The following DCAF4 variants were observed in gnomAD, a reference collection of about 807,000 sequenced individuals.
DCAF4 encodes the protein DDB1- and CUL4-associated factor 4.
DCAF4 carries 37 observed loss-of-function variants against 60.9 expected under a neutral mutation model. The ratio of observed to expected loss-of-function variants is 0.61; its 90% CI spans 0.47 to 0.80. The LOEUF (loss-of-function observed/expected upper bound fraction) is 0.80. Ranked by LOEUF, DCAF4 falls within the 30% of genes least tolerant of loss-of-function variation. The pLI, the probability that DCAF4 is intolerant of heterozygous loss-of-function variation, is 0.00. For missense variants in DCAF4, 577 were observed against 650.0 expected, an observed-to-expected ratio of 0.89 and a Z score of 1.22; for synonymous variants, 243 against 254.8, an observed-to-expected ratio of 0.95 and a Z score of 0.44.
intron 8 of DCAF4, among the ~76,000 whole-genome samples, chr14:72,948,414 G>A (rs909660236): frequency 6.6e-6 from 1 of 152,160 alleles, no homozygotes; most frequent in Non-Finnish European, 1.5e-5. Context: ...TTTATATAAG[G>A]CATCAAACTA....
chr14:72,945,202 G>A (rs1890569378), intron 6 of DCAF4, among the ~76,000 whole-genome samples: 1 of 152,026 alleles, frequency 6.6e-6, no homozygotes, highest in African/African-American at 2.4e-5. Flanking sequence ...AGACCAGCCT[G>A]GACAACATAG....
At chr14:72,934,938 A>C (rs1032383705) in intron 1 of DCAF4, 15 of 152,228 alleles carry the variant, frequency 9.9e-5, no homozygotes, top group Non-Finnish European at 1.5e-5. Flanking sequence ...GCTTTGCTTC[A>C]GTTCAGCAAA....
In DCAF4 at chr14:72,959,658, C is replaced by T. The variant is rs1357705789; in HGVS notation, c.*853C>T. 2 of 985,380 alleles carry T rather than the reference C, an allele frequency of 2.0e-6. No individual in the cohort carries two copies. Among genetic ancestry groups the T allele is most frequent in the Non-Finnish European group, 2.4e-6 (2 of 829,888 alleles). 61.0% of individuals were successfully genotyped at this position (985,380 alleles called of 1,614,324 possible). A position where few individuals can be genotyped will look rare whatever the true frequency, so the allele number is the denominator to read the frequency against. On this transcript the variant is annotated 3_prime_UTR_variant, in exon 14 of 14. Coordinates refer to ENST00000358377, the MANE Select transcript of DCAF4 (RefSeq NM_015604.4). Reference sequence around the variant, plus strand: ...AACCAAGAGAAGAATCATGGTGTGACATGCACTTCTGTGAATGACTTAGGA... The same window carrying T: ...AACCAAGAGAAGAATCATGGTGTGATATGCACTTCTGTGAATGACTTAGGA...
At chr14:72,953,826 G>GTGTGTGTGTGTGTA (rs1306436881) in intron 9 of DCAF4, among the ~76,000 whole-genome samples, 1 of 86,578 alleles carries the variant, frequency 1.2e-5, no homozygotes, top group African/African-American at 4.5e-5. Flanking sequence ...GTGTGTGTGT[G>GTGTGTGTGTGTGTA]TGTATATACA....
intron 6 of DCAF4, among the ~76,000 whole-genome samples, chr14:72,944,278 G>C (rs1187821664): frequency 6.6e-6 from 1 of 152,208 alleles, no homozygotes; most frequent in Non-Finnish European, 1.5e-5. Flanking sequence ...GGCACCTGGA[G>C]AGCAGTTTTT....
intron 1 of DCAF4, among the ~76,000 whole-genome samples, chr14:72,936,874 G>T (rs1180369158): frequency 2.0e-5 from 3 of 152,132 alleles, no homozygotes; most frequent in Non-Finnish European, 4.4e-5. Context: ...AATGAGCAAA[G>T]GATTTATTTA....
rs779495803 is a variant in DCAF4, at chr14:72,945,891, C to A, written c.542C>A (p.Thr181Asn). 6.2e-7 allele frequency: 1 copy of A among 1,614,196 alleles called. No individual in the cohort carries two copies. The change falls in exon 7 of 14, where the codon ACC becomes AAC. Residue 181 changes from threonine (T) to asparagine (N), a missense_variant. Coordinates refer to ENST00000358377, the MANE Select transcript of DCAF4 (RefSeq NM_015604.4). ...SDRFNLILAD[T>N]NSDRLFTVND... ...CCCCCTTCCCTTCTCCAGGCAGATACCAACAGTGACCGGCTCTTCACAGTG... is the reference window on the plus strand; with the variant it reads ...CCCCCTTCCCTTCTCCAGGCAGATAACAACAGTGACCGGCTCTTCACAGTG...
At chr14:72,939,700 G>A in intron 2 of DCAF4, 102 bp from the exon 3 acceptor site, 2 of 886,600 alleles carry the variant, frequency 2.3e-6, no homozygotes, top group Non-Finnish European at 3.4e-6. Flanking sequence ...TCAGAGATCA[G>A]AGGTGAAGGC....
intron 8 of DCAF4, among the ~76,000 whole-genome samples, chr14:72,948,008 C>A (rs571790785): frequency 5.3e-5 from 8 of 152,278 alleles, no homozygotes; most frequent in African/African-American, 1.4e-4. Flanking sequence ...AACAATGTGA[C>A]TACTCATTGT....
At chr14:72,937,616 T>TTAGTAGAGAC (rs1301647499) in intron 1 of DCAF4, among the ~76,000 whole-genome samples, 1 of 152,110 alleles carries the variant, frequency 6.6e-6, no homozygotes, top group African/African-American at 2.4e-5. Context: ...AGATGGGGTT[T>TTAGTAGAGAC]CACCATGTTG....
At chr14:72,936,623 A>G (rs1020638977) in intron 1 of DCAF4, among the ~76,000 whole-genome samples, 6 of 151,792 alleles carry the variant, frequency 4.0e-5, no homozygotes, top group Non-Finnish European at 5.9e-5. Context: ...TTGCTTTCAG[A>G]GAAGAGAGGT....
chr14:72,945,999 A>G lies in DCAF4; in HGVS notation c.650A>G (p.His217Arg), dbSNP rs543453456. ...LKTPTLKVFM[H>R]ENLYFTNRKV... ...ACCCCTACGCTCAAGGTGTTCATGCACGAAAACCTCTACTTCACCAACCGG... is the reference window on the plus strand; with the variant it reads ...ACCCCTACGCTCAAGGTGTTCATGCGCGAAAACCTCTACTTCACCAACCGG... Residue 217 changes from histidine to arginine, a missense_variant, in exon 7 of 14, where the codon CAC (histidine) becomes CGC (arginine). By Grantham distance (29) the His-to-Arg change is conservative (BLOSUM62 0). Transcript: ENST00000358377. The G allele has an allele frequency of 1.2e-6, 2 of 1,614,146 alleles. No homozygotes were observed. Among genetic ancestry groups the G allele is most frequent in the South Asian group, 2.2e-5 (2 of 91,090 alleles).
intron 1 of DCAF4, among the ~76,000 whole-genome samples, chr14:72,927,154 C>T (rs1887679319): frequency 1.3e-5 from 2 of 152,292 alleles, no homozygotes; most frequent in African/African-American, 2.4e-5. Flanking sequence ...AGCCACGCCT[C>T]GTGGGCTCCC....
intron 8 of DCAF4, among the ~76,000 whole-genome samples, chr14:72,950,963 A>AGGGCTTTTT (rs1891329296): frequency 6.6e-6 from 1 of 151,960 alleles, no homozygotes; most frequent in Non-Finnish European, 1.5e-5. Flanking sequence ...GGGATCAGAG[A>AGGGCTTTTT]GGGCTTTTTG....
chr14:72,950,412 T>C (rs140338863), intron 8 of DCAF4, among the ~76,000 whole-genome samples: 29 of 152,258 alleles, frequency 1.9e-4, no homozygotes, highest in Non-Finnish European at 3.1e-4. Flanking sequence ...TACATGGCCA[T>C]AGGGCAGAAC....
At position 72,958,849 on chromosome 14, in the gene DCAF4, G is replaced by T; in HGVS notation, c.*44G>T. ...AGAGCCATGTGGATTTGACTTACGG[G>T]AGTAAAGCGTAACTTTTTACTGCAT... is the stretch of plus-strand genomic sequence containing the variant. On this transcript the variant is annotated 3_prime_UTR_variant, in exon 14 of 14. Coordinates refer to ENST00000358377, the MANE Select transcript of DCAF4 (RefSeq NM_015604.4). 5 of 1,513,468 alleles carry T rather than the reference G, an allele frequency of 3.3e-6. No individual in the cohort carries two copies. The highest frequency in any genetic ancestry group is 1.3e-5 in the South Asian group (1 of 74,954). The allele number at this position is 1,513,468 out of a possible 1,614,324, so 93.8% of individuals were successfully genotyped here.
At chr14:72,947,222 G>A (rs764386488) in intron 8 of DCAF4, 31 bp downstream of exon 8, 1 of 1,613,388 alleles carries the variant, frequency 6.2e-7, no homozygotes, top group Middle Eastern at 1.7e-4. Context: ...AGGTTTGGTG[G>A]GCAGGCCACA....
At chr14:72,947,586 G>T (rs1890899105) in intron 8 of DCAF4, among the ~76,000 whole-genome samples, 1 of 152,338 alleles carries the variant, frequency 6.6e-6, no homozygotes, top group Admixed American at 6.5e-5. Flanking sequence ...CTGCCGGAGG[G>T]CTGGTGTGGT....
At chr14:72,928,233 G>C (rs1305587058) in intron 1 of DCAF4, among the ~76,000 whole-genome samples, 1 of 74,152 alleles carries the variant, frequency 1.3e-5, no homozygotes, top group Non-Finnish European at 2.4e-5. Flanking sequence ...CACTATTGTT[G>C]CCCAGGCTGG....
Sources: gnomAD v4.1 joint callset for allele counts (sites outside exome capture counted in the v4.1 genomes callset) on GRCh38, gnomAD v4.1.1 for gene constraint, MANE v1.5 for transcripts, NCBI Gene and HGNC (gene_info 2026-07-23, HGNC 2026-07-21) for gene names.